Variants in PAN3 observed in about 807,000 individuals in gnomAD.
The protein encoded by PAN3 is PAN2-PAN3 deadenylation complex subunit PAN3.
A neutral mutation model predicts 96.2 loss-of-function variants in PAN3; 19 were observed. That is an observed-to-expected ratio of 0.20 (90% confidence interval 0.14 to 0.29). The LOEUF (loss-of-function observed/expected upper bound fraction) is 0.29, where lower values mean the gene tolerates loss of function less well. Ranked by LOEUF, PAN3 falls within the 10% of genes least tolerant of loss-of-function variation. The pLI, the probability that PAN3 is intolerant of heterozygous loss-of-function variation, is 1.00. For missense variants in PAN3, 882 were observed against 1,108.1 expected (o/e 0.80, Z 2.90); for synonymous variants, 433 against 406.6 (o/e 1.06, Z -0.78).
chr13:28,159,274 A>C (rs1201134698), intron 1 of PAN3, among the ~76,000 whole-genome samples: 1 of 152,198 alleles, frequency 6.6e-6, no homozygotes, highest in African/African-American at 2.4e-5. Context: ...CACAGCCATG[A>C]AAAAGAACAG....
chr13:28,235,994 A>G (rs1883068250), intron 6 of PAN3, among the ~76,000 whole-genome samples: 1 of 151,664 alleles, frequency 6.6e-6, no homozygotes, highest in Non-Finnish European at 1.5e-5. Context: ...CACCTCCCAG[A>G]GTATTGGGAT....
At chr13:28,177,180 ACT>A (rs1442177933) in intron 3 of PAN3, among the ~76,000 whole-genome samples, 1 of 152,022 alleles carries the variant, frequency 6.6e-6, no homozygotes, top group Non-Finnish European at 1.5e-5. Flanking sequence ...CTTTTCAGAG[ACT>A]CTTCTCATTT....
rs770918063 is a variant in PAN3, at chr13:28,281,388, T to C, written c.2384+9T>C. The stretch of plus-strand genomic sequence containing the variant: ...ATCAATGAGAGGCCGGAGTAAGGAT[T>C]TACAGTATTTTACAATATATTTTTA... On this transcript the variant is annotated intron_variant, in intron 17 of 18. Coordinates refer to ENST00000380958, the MANE Select transcript of PAN3 (RefSeq NM_175854.8). 2.5e-6 allele frequency: 4 copies of C among 1,588,576 alleles called. No individual in the cohort carries two copies. Among genetic ancestry groups the C allele is most frequent in the Middle Eastern group, 1.7e-4 (1 of 6,034 alleles).
intron 1 of PAN3, among the ~76,000 whole-genome samples, chr13:28,158,995 G>A (rs112359670): frequency 0.11 from 17,114 of 152,114 alleles, 1,114 homozygotes; most frequent in East Asian, 0.33. Context: ...ACAGATGCAG[G>A]TGAGGTTGCA....
intron 8 of PAN3, 100 bp from the exon 9 acceptor site, chr13:28,261,301 A>G (rs2138620148): frequency 2.8e-6 from 2 of 725,070 alleles, no homozygotes; most frequent in East Asian, 3.1e-5. Context: ...TAAAAAGTGC[A>G]TATGCCAAAA....
At chr13:28,248,449 C>T (rs1452651517) in intron 6 of PAN3, among the ~76,000 whole-genome samples, 1 of 152,096 alleles carries the variant, frequency 6.6e-6, no homozygotes, top group African/African-American at 2.4e-5. Context: ...GCTAGGACTT[C>T]CAGTACTATA....
At chr13:28,182,527 A>C (rs1289933479) in intron 4 of PAN3, among the ~76,000 whole-genome samples, 1 of 152,202 alleles carries the variant, frequency 6.6e-6, no homozygotes, top group East Asian at 1.9e-4. Context: ...TCACTTCTGT[A>C]AATTTTTTTA....
intron 6 of PAN3, among the ~76,000 whole-genome samples, chr13:28,232,146 G>T (rs889567110): frequency 6.6e-6 from 1 of 152,066 alleles, no homozygotes; most frequent in South Asian, 2.1e-4. Context: ...TAATATCTTT[G>T]TAGTCTCATT....
At chr13:28,277,437 T>C in intron 15 of PAN3, 61 bp downstream of exon 15, 1 of 1,525,346 alleles carries the variant, frequency 6.6e-7, no homozygotes, top group South Asian at 1.3e-5. Flanking sequence ...CAGAGCTTTT[T>C]TTGTTTTAAG....
chr13:28,207,502 A>T (rs536441239), intron 5 of PAN3, among the ~76,000 whole-genome samples: 1 of 152,144 alleles, frequency 6.6e-6, no homozygotes, highest in East Asian at 1.9e-4. Flanking sequence ...TTCCTATTGA[A>T]CTATTTGTGG....
At chr13:28,202,193 T>G (rs1389327198) in intron 5 of PAN3, among the ~76,000 whole-genome samples, 1 of 152,182 alleles carries the variant, frequency 6.6e-6, no homozygotes, top group Non-Finnish European at 1.5e-5. Context: ...TTATCCCCAT[T>G]TGACAACAGA....
intron 7 of PAN3, among the ~76,000 whole-genome samples, chr13:28,257,948 C>G (rs1173082713): frequency 6.6e-6 from 1 of 151,484 alleles, no homozygotes; most frequent in Non-Finnish European, 1.5e-5. Flanking sequence ...GTAGCTGGGA[C>G]TACAGACGCA....
At chr13:28,184,847 A>T (rs751096676) in intron 4 of PAN3, among the ~76,000 whole-genome samples, 2 of 152,086 alleles carry the variant, frequency 1.3e-5, no homozygotes, top group Non-Finnish European at 2.9e-5. Flanking sequence ...ATTCATTGTA[A>T]GAGGTCTTTG....
In PAN3 at chr13:28,258,672, CTCCT is replaced by C. The variant is rs912867252; in HGVS notation, c.1249-1763_1249-1760del. 3.3e-5 allele frequency among the ~76,000 whole-genome samples: 5 copies of C among 152,088 alleles called. 1 individual carries two copies. Among genetic ancestry groups the C allele is most frequent in the Non-Finnish European group, 4.4e-5 (3 of 68,014 alleles). On this transcript the variant is annotated intron_variant, in intron 7 of 18. Coordinates refer to ENST00000380958, the MANE Select transcript of PAN3 (RefSeq NM_175854.8). ...CCCAGTACCCAAACACCTTTAGTTT[CTCCT>C]TCCTTCCTTCCAGTTGCTTTCAAAA...
Position 28,292,518 on chromosome 13 carries a change from T to C in PAN3, c.2660T>C (p.Leu887Ser), listed in dbSNP as rs756384719. 2 of 1,606,460 alleles carry C rather than the reference T, an allele frequency of 1.2e-6. No individual in the cohort carries two copies. Among genetic ancestry groups the C allele is most frequent in the Non-Finnish European group, 1.7e-6 (2 of 1,177,400 alleles). Residue 887 changes from leucine (L) to serine (S), a missense_variant, in exon 19 of 19, where the codon TTG (leucine) becomes TCG (serine). This residue lies in a region of PAN3 where 76 missense variants were observed against 171.7 expected (regional missense o/e 0.44). Transcript: ENST00000380958. ...QELIAAANGQL is the reference protein window; with the variant it reads ...QELIAAANGQS ...CTGATTGCAGCTGCAAATGGTCAGT[T>C]GTAGTATTTGCTAAAAAAGCACGCA... is the stretch of plus-strand genomic sequence containing the variant.
chr13:28,273,304 A>C (rs574599653), intron 14 of PAN3, among the ~76,000 whole-genome samples: 15 of 152,270 alleles, frequency 9.9e-5, no homozygotes, highest in African/African-American at 3.6e-4. Flanking sequence ...TTCAAGCATT[A>C]AGAACAGTTG....
chr13:28,208,738 AGTGTCTTC>A (rs1209024391), intron 5 of PAN3, among the ~76,000 whole-genome samples: 1 of 152,112 alleles, frequency 6.6e-6, no homozygotes, highest in Non-Finnish European at 1.5e-5. Flanking sequence ...TTTATTTTTA[AGTGTCTTC>A]TATTCTTTGG....
chr13:28,282,818 C>A (rs1452237393), intron 17 of PAN3, among the ~76,000 whole-genome samples: 1 of 152,138 alleles, frequency 6.6e-6, no homozygotes, highest in Non-Finnish European at 1.5e-5. Flanking sequence ...TCAGTATTAT[C>A]TGGGAATTCT....
chr13:28,212,384 G>C (rs1399140897), intron 5 of PAN3, among the ~76,000 whole-genome samples: 2 of 152,096 alleles, frequency 1.3e-5, no homozygotes, highest in African/African-American at 4.8e-5. Flanking sequence ...GAGAGCAAAG[G>C]TCAAGAAGAT....
Sources: allele counts gnomAD v4.1 joint callset (sites outside exome capture counted in the v4.1 genomes callset), GRCh38; gene constraint gnomAD v4.1.1; regional missense constraint gnomAD v4.1.1; transcripts MANE v1.5; gene names NCBI Gene and HGNC (gene_info 2026-07-23, HGNC 2026-07-21).